Variants in ACACB observed in about 807,000 individuals in gnomAD.
ACACB encodes acetyl-CoA carboxylase 2.
ACACB carries 209 observed loss-of-function variants against 278.8 expected under a neutral mutation model. The ratio of observed to expected loss-of-function variants is 0.75; its 90% CI spans 0.67 to 0.84. The LOEUF (loss-of-function observed/expected upper bound fraction) is 0.84, where lower values mean the gene tolerates loss of function less well. Ranked by LOEUF, ACACB falls within the 40% of genes least tolerant of loss-of-function variation. The pLI, the probability that ACACB is intolerant of heterozygous loss-of-function variation, is 0.00. For missense variants in ACACB, 2,850 were observed against 3,269.0 expected (o/e 0.87, Z 3.13); for synonymous variants, 1,174 against 1,285.6 (o/e 0.91, Z 1.86).
chr12:109,220,613 G>T (rs370512027), intron 24 of ACACB, among the ~76,000 whole-genome samples: 1 of 152,096 alleles, frequency 6.6e-6, no homozygotes, highest in East Asian at 1.9e-4. Context: ...GTGCAGTGGC[G>T]CAATCTCGGC....
chr12:109,148,735 G>C (rs1202913612), intron 2 of ACACB, among the ~76,000 whole-genome samples: 2 of 152,092 alleles, frequency 1.3e-5, no homozygotes, highest in Non-Finnish European at 2.9e-5. Context: ...GCTTAGAATA[G>C]TTCCTGGCAT....
chr12:109,249,170 C>T (rs1050951235), intron 40 of ACACB: 7 of 152,118 alleles, frequency 4.6e-5, no homozygotes, highest in African/African-American at 1.7e-4. Context: ...TGGAGGGCTT[C>T]AGTATTTAAA....
Position 109,188,222 on chromosome 12 carries a change from CTTCCTTCCTTCCCT to C in ACACB, c.2144+61_2144+74del, listed in dbSNP as rs1469526782. The C allele has an allele frequency of 2.8e-6, 4 of 1,413,790 alleles. No individual in the cohort carries two copies. The South Asian group carries it at 3.9e-5, about 14-fold the overall frequency. The allele number at this position is 1,413,790 out of a possible 1,614,324, so 87.6% of individuals were successfully genotyped here. A position where few individuals can be genotyped will look rare whatever the true frequency, so the allele number is the denominator to read the frequency against. On this transcript the variant is annotated intron_variant, in intron 13 of 52. Coordinates refer to ENST00000338432, the MANE Select transcript of ACACB (RefSeq NM_001093.4). Reference sequence around the variant, plus strand: ...CCTTCCTTCCTTCCTTCCTTCCTTCCTTCCTTCCTTCCCTCTCTCCCTTCTTCCCCTCTTCCTTC... The same window carrying C: ...CCTTCCTTCCTTCCTTCCTTCCTTCCCTCTCCCTTCTTCCCCTCTTCCTTC...
chr12:109,215,548 G>C (rs942751133), intron 22 of ACACB, among the ~76,000 whole-genome samples: 2 of 152,122 alleles, frequency 1.3e-5, no homozygotes, highest in African/African-American at 4.8e-5. Flanking sequence ...CGGATCATGA[G>C]GTCAGGAGAT....
At chr12:109,179,045 T>TTCATG (rs1335765290) in intron 9 of ACACB, 43 bp from the exon 10 acceptor site, 1 of 1,579,184 alleles carries the variant, frequency 6.3e-7, no homozygotes, top group African/African-American at 1.4e-5. Context: ...CTTCCAGAGC[T>TTCATG]GGTTTCCCCA....
intron 1 of ACACB, among the ~76,000 whole-genome samples, chr12:109,117,318 C>T (rs2042428590): frequency 6.8e-6 from 1 of 147,868 alleles, no homozygotes; most frequent in Non-Finnish European, 1.5e-5. Context: ...TAAAATTGCG[C>T]CACTGCATTC....
intron 1 of ACACB, among the ~76,000 whole-genome samples, chr12:109,120,928 A>G (rs2042533430): frequency 3.3e-5 from 5 of 152,108 alleles, no homozygotes; most frequent in Admixed American, 3.3e-4. Flanking sequence ...GAGGTGCTCA[A>G]CAAACATCAG....
chr12:109,238,394 TTA>T (rs1323453894), intron 34 of ACACB, among the ~76,000 whole-genome samples: 1 of 141,896 alleles, frequency 7.0e-6, no homozygotes, highest in African/African-American at 2.6e-5. Flanking sequence ...ATATATATTA[TTA>T]TATATATAAT....
chr12:109,121,536 G>A (rs2042549072), intron 1 of ACACB, among the ~76,000 whole-genome samples: 1 of 152,128 alleles, frequency 6.6e-6, no homozygotes, highest in African/African-American at 2.4e-5. Flanking sequence ...GGAACTGTGG[G>A]GCATAGAGCA....
Position 109,266,547 on chromosome 12 carries a change from A to C in ACACB, c.*185A>C. ...AAAGGCCCAGGAGTGCCTCTTCCAA[A>C]CAAAAACAGCCTCCTCTCCATAGCT... On this transcript the variant is annotated 3_prime_UTR_variant, in exon 53 of 53. Transcript: ENST00000338432. 1.7e-6 allele frequency: 1 copy of C among 589,376 alleles called. No homozygotes were observed. Among genetic ancestry groups the C allele is most frequent in the Non-Finnish European group, 2.6e-6 (1 of 385,158 alleles). 36.5% of individuals were successfully genotyped at this position (589,376 alleles called of 1,614,324 possible).
intron 2 of ACACB, among the ~76,000 whole-genome samples, chr12:109,165,057 G>A (rs534895875): frequency 6.6e-6 from 1 of 152,260 alleles, no homozygotes; most frequent in East Asian, 1.9e-4. Context: ...CAGGGAAATT[G>A]AGGGCATCAT....
intron 31 of ACACB, among the ~76,000 whole-genome samples, chr12:109,235,048 T>C (rs1351601662): frequency 1.3e-5 from 2 of 152,124 alleles, no homozygotes; most frequent in Non-Finnish European, 2.9e-5. Context: ...CTGTACCTGT[T>C]AGCAGTCACT....
intron 45 of ACACB, among the ~76,000 whole-genome samples, chr12:109,256,876 T>G (rs781106044): frequency 6.6e-5 from 10 of 152,200 alleles, no homozygotes; most frequent in Non-Finnish European, 1.3e-4. Context: ...CCCAAAGGAT[T>G]ATTGTGATGA....
At chr12:109,121,401 C>A (rs1177737208) in intron 1 of ACACB, among the ~76,000 whole-genome samples, 1 of 152,166 alleles carries the variant, frequency 6.6e-6, no homozygotes, top group Admixed American at 6.5e-5. Flanking sequence ...TAAATCTGTG[C>A]CCCTCTGGGT....
At chr12:109,211,168 G>A (rs1471913408) in intron 21 of ACACB, among the ~76,000 whole-genome samples, 1 of 151,718 alleles carries the variant, frequency 6.6e-6, no homozygotes, top group African/African-American at 2.4e-5. Context: ...TTGGTGATTT[G>A]GGAAACCAGA....
intron 24 of ACACB, among the ~76,000 whole-genome samples, chr12:109,218,870 GC>G (rs766098282): frequency 5.9e-5 from 9 of 151,522 alleles, no homozygotes; most frequent in Admixed American, 1.3e-4. Flanking sequence ...CAGGGTTCAA[GC>G]AATTCTCCTG....
chr12:109,265,305 C>T (rs769346793), intron 51 of ACACB, 25 bp downstream of exon 51: 17 of 1,611,550 alleles, frequency 1.1e-5, no homozygotes, highest in East Asian at 2.2e-5. Context: ...AGAACGAGGC[C>T]GGTGAGCACA....
intron 4 of ACACB, 65 bp downstream of exon 4, chr12:109,168,099 C>T (rs2043982658): frequency 1.3e-6 from 2 of 1,539,274 alleles, no homozygotes; most frequent in Admixed American, 1.9e-5. Context: ...CCTCCTTCCC[C>T]TGTGCCTAGG....
intron 13 of ACACB, 66 bp from the exon 14 acceptor site, chr12:109,191,547 C>A: frequency 6.3e-7 from 1 of 1,588,054 alleles, no homozygotes; most frequent in East Asian, 2.2e-5. Flanking sequence ...TGAATCACAT[C>A]ATTGCAGCAA....
Sources: allele counts gnomAD v4.1 joint callset (sites outside exome capture counted in the v4.1 genomes callset), GRCh38; gene constraint gnomAD v4.1.1; transcripts MANE v1.5; gene names NCBI Gene and HGNC (gene_info 2026-07-23, HGNC 2026-07-21).